KLF8: variants seen among roughly 807,000 people sequenced by gnomAD.
KLF8 encodes Krueppel-like factor 8.
A neutral mutation model predicts 18.2 loss-of-function variants in KLF8; 10 were observed. The ratio of observed to expected loss-of-function variants is 0.55; its 90% CI spans 0.34 to 0.93. The LOEUF (loss-of-function observed/expected upper bound fraction) is 0.93, where lower values mean the gene tolerates loss of function less well. KLF8 is among the 40% of genes least tolerant of loss of function. The pLI, the probability that KLF8 is intolerant of heterozygous loss-of-function variation, is 0.02. For synonymous variants in KLF8, 109 were observed against 97.3 expected (o/e 1.12, Z -0.71); for missense variants, 264 against 277.9 (o/e 0.95, Z 0.36).
the KLF8 span, among the ~76,000 whole-genome samples, chrX:56,147,003 T>C: frequency 6.2e-5 from 7 of 112,113 alleles, no homozygotes; most frequent in African/African-American, 1.9e-4. Context: ...TGTATGACTA[T>C]GGGAATGCCC....
At chrX:56,000,570 T>G in the KLF8 span, among the ~76,000 whole-genome samples, 6 of 109,771 alleles carry the variant, frequency 5.5e-5, no homozygotes, top group Non-Finnish European at 1.1e-4. Context: ...GATTCAAGCT[T>G]GGGAGTTTGT....
chrX:56,094,607 AC>A, the KLF8 span, among the ~76,000 whole-genome samples: 435 of 111,485 alleles, frequency 3.9e-3, no homozygotes, highest in Non-Finnish European at 6.9e-3. Context: ...CATCAAAAAA[AC>A]GTATCTAATT....
chrX:55,932,749 A>G, the KLF8 span, among the ~76,000 whole-genome samples: 3 of 111,878 alleles, frequency 2.7e-5, no homozygotes, highest in Non-Finnish European at 5.6e-5. Flanking sequence ...TGTTAGTCTG[A>G]TGGGCTTCCC....
At chrX:56,141,739 A>G in the KLF8 span, among the ~76,000 whole-genome samples, 3 of 111,612 alleles carry the variant, frequency 2.7e-5, no homozygotes, top group African/African-American at 9.8e-5. Flanking sequence ...TTACTTACAT[A>G]GTTTGAGGAC....
the KLF8 span, among the ~76,000 whole-genome samples, chrX:56,124,507 C>T: frequency 8.9e-6 from 1 of 112,020 alleles, no homozygotes; most frequent in African/African-American, 3.2e-5. Flanking sequence ...ATTTCTGATG[C>T]CATATAAAAC....
chrX:55,909,766 G>A, the KLF8 span, among the ~76,000 whole-genome samples: 1 of 112,489 alleles, frequency 8.9e-6, no homozygotes, highest in Non-Finnish European at 1.9e-5. Flanking sequence ...AGAGGAAAGA[G>A]CAGGAAACTT....
the KLF8 span, among the ~76,000 whole-genome samples, chrX:56,159,015 A>G: frequency 9.0e-6 from 1 of 111,520 alleles, no homozygotes; most frequent in Non-Finnish European, 1.9e-5. Flanking sequence ...ATGATATTGG[A>G]TGTGGGTTTG....
chrX:55,962,884 A>G, the KLF8 span, among the ~76,000 whole-genome samples: 1 of 112,743 alleles, frequency 8.9e-6, no homozygotes, highest in African/African-American at 3.2e-5. Context: ...AAGCTTTGAG[A>G]GAAGACCTAC....
the KLF8 span, among the ~76,000 whole-genome samples, chrX:56,015,375 A>G: frequency 9.0e-6 from 1 of 111,318 alleles, no homozygotes; most frequent in African/African-American, 3.3e-5. Context: ...ACACTCACCA[A>G]CCATTTATAT....
the KLF8 span, among the ~76,000 whole-genome samples, chrX:56,153,116 A>G: frequency 2.7e-5 from 3 of 111,911 alleles, no homozygotes; most frequent in African/African-American, 9.7e-5. Flanking sequence ...CAAAAATTTA[A>G]TATGATATAA....
the KLF8 span, among the ~76,000 whole-genome samples, chrX:56,008,671 G>T: frequency 8.9e-6 from 1 of 111,857 alleles, no homozygotes; most frequent in Non-Finnish European, 1.9e-5. Flanking sequence ...CACTGCAATT[G>T]CCTGCTGCCT....
the KLF8 span, among the ~76,000 whole-genome samples, chrX:56,057,997 T>C: frequency 9.5e-6 from 1 of 104,714 alleles, no homozygotes; most frequent in Non-Finnish European, 1.9e-5. Context: ...TCATGCATTC[T>C]TCTGGAGTTA....
chrX:56,179,320 G>T, the KLF8 span, among the ~76,000 whole-genome samples: 1 of 112,153 alleles, frequency 8.9e-6, no homozygotes, highest in East Asian at 2.8e-4. Flanking sequence ...AGGAATGCTT[G>T]TGATTTTTGC....
chrX:56,157,577 T>C, the KLF8 span, among the ~76,000 whole-genome samples: 124 of 110,902 alleles, frequency 1.1e-3, no homozygotes, highest in African/African-American at 3.8e-3. Flanking sequence ...TTAACGATCG[T>C]CATTGTAACT....
chrX:56,082,083 G>T, the KLF8 span, among the ~76,000 whole-genome samples: 1 of 111,397 alleles, frequency 9.0e-6, no homozygotes, highest in South Asian at 3.8e-4. Flanking sequence ...TTTGGTCCTA[G>T]ACTGTTCTCT....
rs989308204 is a variant in KLF8, at chrX:56,285,180, T to C, written c.*686T>C. On this transcript the variant is annotated 3_prime_UTR_variant, in exon 6 of 6. Coordinates refer to ENST00000468660, the MANE Select transcript of KLF8 (RefSeq NM_007250.5). ...GAGTTCTTGTCCTTCTCCTCCTCTT[T>C]TTTTTCTTTTCCACTTTCTCCTTCA... is the stretch of plus-strand genomic sequence containing the variant. 1 of 112,362 alleles carries C rather than the reference T, an allele frequency of 8.9e-6. No homozygotes were observed. The highest frequency in any genetic ancestry group is 3.2e-5 in the African/African-American group (1 of 30,903). The allele number at this position is 112,362 out of a possible 1,213,427, so 9.3% of individuals were successfully genotyped here. A position where few individuals can be genotyped will look rare whatever the true frequency, so the allele number is the denominator to read the frequency against.
At chrX:55,972,067 A>G in the KLF8 span, among the ~76,000 whole-genome samples, 1 of 111,549 alleles carries the variant, frequency 9.0e-6, no homozygotes, top group Non-Finnish European at 1.9e-5. Flanking sequence ...GGAAATCAGT[A>G]TATCAAAGAG....
the KLF8 span, among the ~76,000 whole-genome samples, chrX:56,053,625 T>A: frequency 9.3e-6 from 1 of 108,077 alleles, no homozygotes; most frequent in Non-Finnish European, 1.9e-5. Context: ...AGTTGTGAAT[T>A]CTTCTGGTCT....
At chrX:56,037,940 T>C in the KLF8 span, among the ~76,000 whole-genome samples, 1 of 111,991 alleles carries the variant, frequency 8.9e-6, no homozygotes, top group Admixed American at 9.5e-5. Flanking sequence ...ATTTTTTGTA[T>C]GCATTAACCA....
Sources: gnomAD v4.1 joint callset for allele counts (sites outside exome capture counted in the v4.1 genomes callset) on GRCh38, gnomAD v4.1.1 for gene constraint, MANE v1.5 for transcripts, NCBI Gene and HGNC (gene_info 2026-07-23, HGNC 2026-07-21) for gene names.